The following FAM135A variants were observed in gnomAD, a reference collection of about 807,000 sequenced individuals.
FAM135A encodes family with sequence similarity 135 member A.
FAM135A carries 79 observed loss-of-function variants against 146.8 expected under a neutral mutation model. That is an observed-to-expected ratio of 0.54 (90% CI 0.45 to 0.65). FAM135A has a LOEUF of 0.65. Among genes scored for constraint, FAM135A ranks in the 30% least tolerant of loss-of-function variants. FAM135A has a pLI of 0.00. For missense variants in FAM135A, 1,623 were observed against 1,758.2 expected, an observed-to-expected ratio of 0.92 and a Z score of 1.38; for synonymous variants, 562 against 603.6, an observed-to-expected ratio of 0.93 and a Z score of 1.01.
At chr6:70,462,642 C>T (rs1779645972) in intron 5 of FAM135A, among the ~76,000 whole-genome samples, 1 of 151,030 alleles carries the variant, frequency 6.6e-6, no homozygotes, top group African/African-American at 2.4e-5. Flanking sequence ...AAAAAAAATG[C>T]AGCTATTGGT....
intron 3 of FAM135A, 79 bp downstream of exon 3, chr6:70,426,611 A>T (rs969911559): frequency 1.7e-4 from 26 of 152,340 alleles, no homozygotes; most frequent in African/African-American, 5.5e-4. Context: ...CTGCTTCAAG[A>T]ATTGGGAAGG....
chr6:70,557,713 A>G (rs959490578), intron 21 of FAM135A: 2 of 151,270 alleles, frequency 1.3e-5, no homozygotes, highest in African/African-American at 4.9e-5. Context: ...AAAAAAAAAA[A>G]AAAAACCCTG....
chr6:70,502,877 A>T (rs1342058229), intron 12 of FAM135A, 86 bp downstream of exon 12: 1 of 1,317,596 alleles, frequency 7.6e-7, no homozygotes, highest in East Asian at 2.3e-5. Flanking sequence ...CCTGATTTTT[A>T]CCTATATATT....
intron 11 of FAM135A, among the ~76,000 whole-genome samples, chr6:70,492,508 T>G: frequency 6.6e-6 from 1 of 151,868 alleles, no homozygotes; most frequent in East Asian, 1.9e-4. Flanking sequence ...ATTGATGATT[T>G]GAAATTTCTT....
At chr6:70,473,930 C>T (rs966578430) in intron 5 of FAM135A, among the ~76,000 whole-genome samples, 4 of 152,216 alleles carry the variant, frequency 2.6e-5, no homozygotes, top group Non-Finnish European at 4.4e-5. Context: ...TCCAACCCCC[C>T]AGCCTGAGGT....
intron 10 of FAM135A, among the ~76,000 whole-genome samples, chr6:70,483,577 T>C (rs533968194): frequency 6.6e-6 from 1 of 152,310 alleles, no homozygotes; most frequent in East Asian, 1.9e-4. Context: ...ATTTACAGAA[T>C]AGAGCTAATT....
At chr6:70,499,330 C>G (rs1258612382) in intron 11 of FAM135A, among the ~76,000 whole-genome samples, 1 of 152,024 alleles carries the variant, frequency 6.6e-6, no homozygotes, top group African/African-American at 2.4e-5. Context: ...TTTCCACTTG[C>G]TTGGTAAATA....
intron 2 of FAM135A, among the ~76,000 whole-genome samples, chr6:70,416,319 A>G (rs138315806): frequency 1.3e-3 from 200 of 152,348 alleles, no homozygotes; most frequent in Non-Finnish European, 2.4e-3. Flanking sequence ...CCACGAGTTG[A>G]CACTGAAAGG....
At chr6:70,444,406 AAAATAAAT>A (rs139346630) in intron 4 of FAM135A, among the ~76,000 whole-genome samples, 9 of 150,478 alleles carry the variant, frequency 6.0e-5, no homozygotes, top group African/African-American at 2.2e-4. Flanking sequence ...GTGTCTCAAA[AAAATAAAT>A]AAATAAATAA....
chr6:70,420,885 T>C (rs1219316972), intron 2 of FAM135A, among the ~76,000 whole-genome samples: 1 of 152,082 alleles, frequency 6.6e-6, no homozygotes, highest in Admixed American at 6.5e-5. Flanking sequence ...ACACTACTTT[T>C]TTTTTTTTGT....
chr6:70,511,228 T>G (rs1477037167), intron 12 of FAM135A, among the ~76,000 whole-genome samples: 1 of 152,006 alleles, frequency 6.6e-6, no homozygotes, highest in African/African-American at 2.4e-5. Context: ...ATTCTATGAG[T>G]TGCTTTTTAG....
intron 16 of FAM135A, among the ~76,000 whole-genome samples, chr6:70,529,694 A>T (rs1438342454): frequency 3.9e-5 from 6 of 152,154 alleles, no homozygotes; most frequent in African/African-American, 1.4e-4. Flanking sequence ...AAGTTAACCT[A>T]ACCTTGTTAC....
At chr6:70,513,108 C>CT (rs1304745960) in intron 12 of FAM135A, among the ~76,000 whole-genome samples, 1 of 151,328 alleles carries the variant, frequency 6.6e-6, no homozygotes, top group African/African-American at 2.4e-5. Flanking sequence ...ATTTCTTGAC[C>CT]TTTTTTCCTG....
intron 19 of FAM135A, among the ~76,000 whole-genome samples, chr6:70,537,903 T>C (rs1358225933): frequency 6.6e-6 from 1 of 152,264 alleles, no homozygotes; most frequent in Non-Finnish European, 1.5e-5. Context: ...ACTGTAATTA[T>C]AGACTGATCA....
chr6:70,450,118 A>G (rs976644540), intron 4 of FAM135A, among the ~76,000 whole-genome samples: 1 of 152,018 alleles, frequency 6.6e-6, no homozygotes, highest in African/African-American at 2.4e-5. Context: ...TGTTTTCTTG[A>G]AGTTGAGTTG....
intron 15 of FAM135A, 50 bp downstream of exon 15, chr6:70,526,748 T>TAC (rs1794770058): frequency 9.1e-7 from 1 of 1,093,424 alleles, no homozygotes. Flanking sequence ...TACATATATA[T>TAC]ATACACACAC....
At chr6:70,459,314 T>A (rs1329514129) in intron 5 of FAM135A, among the ~76,000 whole-genome samples, 1 of 152,200 alleles carries the variant, frequency 6.6e-6, no homozygotes, top group African/African-American at 2.4e-5. Context: ...TGTCTGTGAG[T>A]TACAGTGGAG....
intron 12 of FAM135A, among the ~76,000 whole-genome samples, chr6:70,520,921 T>C (rs1793429902): frequency 6.6e-6 from 1 of 152,220 alleles, no homozygotes; most frequent in Admixed American, 6.5e-5. Flanking sequence ...GGAGTCTTAA[T>C]GCAGAAAGGA....
intron 5 of FAM135A, among the ~76,000 whole-genome samples, chr6:70,458,234 C>T (rs950693905): frequency 5.3e-5 from 8 of 152,064 alleles, no homozygotes; most frequent in African/African-American, 1.9e-4. Flanking sequence ...AAATTTTGGA[C>T]AGAAGAAGAA....
Sources: gnomAD v4.1 joint callset for allele counts (sites outside exome capture counted in the v4.1 genomes callset) on GRCh38, gnomAD v4.1.1 for gene constraint, MANE v1.5 for transcripts, NCBI Gene and HGNC (gene_info 2026-07-23, HGNC 2026-07-21) for gene names.